Variants in PCED1B observed in about 807,000 individuals in gnomAD.
The protein encoded by PCED1B is PC-esterase domain-containing protein 1B.
For missense variants in PCED1B, 573 were observed against 573.9 expected (o/e 1.00, Z 0.02); for synonymous variants, 251 against 246.1 (o/e 1.02, Z -0.19).
At chr12:47,108,099 GC>G (rs1475140545) in intron 2 of PCED1B, among the ~76,000 whole-genome samples, 2 of 152,266 alleles carry the variant, frequency 1.3e-5, no homozygotes, top group African/African-American at 4.8e-5. Flanking sequence ...CTGGTGGGAA[GC>G]CTCCTATCCA....
chr12:47,206,380 G>A (rs1292047698), intron 2 of PCED1B: 2 of 152,212 alleles, frequency 1.3e-5, no homozygotes, highest in Non-Finnish European at 2.9e-5. Context: ...CTATGCCCAG[G>A]AATGAACAAG....
At chr12:47,184,281 A>G (rs1165609218) in intron 2 of PCED1B, among the ~76,000 whole-genome samples, 1 of 152,206 alleles carries the variant, frequency 6.6e-6, no homozygotes, top group African/African-American at 2.4e-5. Context: ...GCTACTTGCA[A>G]GAGGCAGGCT....
intron 2 of PCED1B, among the ~76,000 whole-genome samples, chr12:47,142,775 C>T (rs556867844): frequency 6.6e-6 from 1 of 151,532 alleles, no homozygotes; most frequent in East Asian, 1.9e-4. Context: ...ATTAGAGGAA[C>T]CAAAACAAAA....
chr12:47,202,782 T>C (rs1031004902), intron 2 of PCED1B, among the ~76,000 whole-genome samples: 1 of 151,938 alleles, frequency 6.6e-6, no homozygotes, highest in African/African-American at 2.4e-5. Context: ...GTTAAAGCCA[T>C]ATTCCCTCAT....
chr12:47,235,240 T>A lies in PCED1B; in HGVS notation c.177T>A (p.Asp59Glu). ...RARGELNFEQ[D>E]ELVDGGQRGH... The stretch of plus-strand genomic sequence containing the variant: ...GGGGGGAGCTGAACTTCGAACAAGA[T>A]GAGCTGGTGGACGGAGGCCAGCGGG... Residue 59 changes from aspartate to glutamate, a missense_variant, in exon 4 of 4, where the codon GAT becomes GAA. Transcript: ENST00000546455. 1 of 1,612,918 alleles carries A rather than the reference T, an allele frequency of 6.2e-7. No homozygotes were observed. Among genetic ancestry groups the A allele is most frequent in the Non-Finnish European group, 8.5e-7 (1 of 1,179,300 alleles).
intron 2 of PCED1B, among the ~76,000 whole-genome samples, chr12:47,186,645 G>A (rs559747870): frequency 9.0e-4 from 137 of 152,240 alleles, no homozygotes; most frequent in Non-Finnish European, 9.7e-4. Flanking sequence ...CCCCTTCATT[G>A]GCAAGCATCA....
At chr12:47,139,623 T>A (rs1940514397) in intron 2 of PCED1B, among the ~76,000 whole-genome samples, 1 of 152,088 alleles carries the variant, frequency 6.6e-6, no homozygotes, top group Non-Finnish European at 1.5e-5. Context: ...TATGTGTATG[T>A]GTGCTGGGTA....
chr12:47,191,569 G>A (rs1208414927), intron 2 of PCED1B, among the ~76,000 whole-genome samples: 3 of 152,074 alleles, frequency 2.0e-5, no homozygotes, highest in South Asian at 4.1e-4. Context: ...ATTGCAATCC[G>A]GAAGAAGAAA....
chr12:47,168,069 G>A (rs1368117882), intron 2 of PCED1B, among the ~76,000 whole-genome samples: 1 of 151,940 alleles, frequency 6.6e-6, no homozygotes, highest in African/African-American at 2.4e-5. Flanking sequence ...AAATGATGAA[G>A]AGAAAAAAGG....
chr12:47,201,093 GC>G (rs1398456681), intron 2 of PCED1B, among the ~76,000 whole-genome samples: 1 of 152,118 alleles, frequency 6.6e-6, no homozygotes, highest in East Asian at 1.9e-4. Flanking sequence ...AATTCTCTCG[GC>G]CCCGAAGAAG....
intron 2 of PCED1B, among the ~76,000 whole-genome samples, chr12:47,212,087 A>T (rs1943109069): frequency 6.6e-6 from 1 of 151,388 alleles, no homozygotes; most frequent in African/African-American, 2.4e-5. Flanking sequence ...AAAAAAAAAA[A>T]AAAAAAACCC....
intron 2 of PCED1B, among the ~76,000 whole-genome samples, chr12:47,212,971 A>G (rs530156236): frequency 2.6e-4 from 40 of 152,354 alleles, no homozygotes; most frequent in African/African-American, 8.9e-4. Context: ...TGCATAAAAC[A>G]TAAGAATTCT....
At position 47,083,043 on chromosome 12, in the gene PCED1B, G is replaced by A. The variant is rs141011940; in HGVS notation, c.-609+3318G>A. On this transcript the variant is annotated intron_variant, in intron 1 of 3. Transcript: ENST00000546455. ...TGTGGTCATGTGAGTGTCTAGCTGG[G>A]TTTGGAAATACTATCTGCCTGAGGC... is the stretch of plus-strand genomic sequence containing the variant. Among the ~76,000 whole-genome samples the A allele has an allele frequency of 2.7e-5, 4 of 150,240 alleles. No individual in the cohort carries two copies. The East Asian group carries it at 7.8e-4, about 29-fold the overall frequency.
intron 2 of PCED1B, among the ~76,000 whole-genome samples, chr12:47,202,915 C>T (rs894462984): frequency 1.2e-4 from 18 of 151,602 alleles, no homozygotes; most frequent in Non-Finnish European, 5.9e-5. Context: ...TTTCATTTAC[C>T]ACTATACTTT....
At chr12:47,154,527 T>G (rs1941123037) in intron 2 of PCED1B, among the ~76,000 whole-genome samples, 1 of 152,138 alleles carries the variant, frequency 6.6e-6, no homozygotes, top group African/African-American at 2.4e-5. Flanking sequence ...ATAGTCCTAA[T>G]TTTCGCCAAT....
chr12:47,088,343 G>A (rs1938088353), intron 1 of PCED1B, among the ~76,000 whole-genome samples: 3 of 152,190 alleles, frequency 2.0e-5, no homozygotes, highest in Non-Finnish European at 2.9e-5. Context: ...CTGTACCAGA[G>A]TCCAGCAGGT....
chr12:47,174,415 AAAAACAAAC>A (rs1298408816), intron 2 of PCED1B, among the ~76,000 whole-genome samples: 3 of 151,348 alleles, frequency 2.0e-5, no homozygotes, highest in African/African-American at 7.3e-5. Context: ...TCCAAAAAAA[AAAAACAAAC>A]AAAACAAACA....
chr12:47,232,788 G>A (rs1412212442), intron 3 of PCED1B, among the ~76,000 whole-genome samples: 7 of 152,052 alleles, frequency 4.6e-5, no homozygotes, highest in African/African-American at 1.7e-4. Flanking sequence ...TACTCTTTTA[G>A]CATCAGTACT....
intron 1 of PCED1B, among the ~76,000 whole-genome samples, chr12:47,088,671 G>A (rs1938105995): frequency 2.0e-5 from 3 of 152,162 alleles, no homozygotes; most frequent in African/African-American, 7.2e-5. Context: ...AAAATACGTG[G>A]TAGGAAATCA....
Sources: gnomAD v4.1 joint callset for allele counts (sites outside exome capture counted in the v4.1 genomes callset) on GRCh38, gnomAD v4.1.1 for gene constraint, MANE v1.5 for transcripts, NCBI Gene and HGNC (gene_info 2026-07-23, HGNC 2026-07-21) for gene names.